The following KAZN variants were observed in gnomAD, a reference collection of about 807,000 sequenced individuals.
KAZN encodes kazrin, periplakin interacting protein.
A neutral mutation model predicts 87.4 loss-of-function variants in KAZN; 40 were observed. That is an observed-to-expected ratio of 0.46 (90% CI 0.36 to 0.60). KAZN has a LOEUF of 0.60. KAZN is among the 20% of genes least tolerant of loss of function. The pLI, the probability that KAZN is intolerant of heterozygous loss-of-function variation, is 0.00. For missense variants in KAZN, 898 were observed against 1,073.9 expected (o/e 0.84, Z 2.29); for synonymous variants, 466 against 458.3 (o/e 1.02, Z -0.22).
chr1:14,504,305 G>A (rs1205631039), intron 2 of KAZN, among the ~76,000 whole-genome samples: 1 of 152,186 alleles, frequency 6.6e-6, no homozygotes, highest in East Asian at 1.9e-4. Context: ...TAAAGCTGGG[G>A]GAGAGAGAAA....
intron 1 of KAZN, among the ~76,000 whole-genome samples, chr1:14,169,465 C>A (rs774683433): frequency 6.6e-6 from 1 of 152,146 alleles, no homozygotes; most frequent in African/African-American, 2.4e-5. Flanking sequence ...AATTTCCTAC[C>A]TCTGGACAGT....
At chr1:14,959,817 G>T (rs964512557) in intron 1 of KAZN, among the ~76,000 whole-genome samples, 2 of 152,150 alleles carry the variant, frequency 1.3e-5, no homozygotes, top group African/African-American at 4.8e-5. Flanking sequence ...CTATCCGCCC[G>T]CAGGACTGAG....
At chr1:14,607,992 G>A (rs969995853) in intron 1 of KAZN, among the ~76,000 whole-genome samples, 25 of 152,288 alleles carry the variant, frequency 1.6e-4, no homozygotes, top group African/African-American at 5.5e-4. Flanking sequence ...CCATTCCACA[G>A]ATGAAGACAT....
At chr1:14,443,028 T>A (rs974361397) in intron 2 of KAZN, among the ~76,000 whole-genome samples, 4 of 152,210 alleles carry the variant, frequency 2.6e-5, no homozygotes, top group Admixed American at 1.3e-4. Context: ...ACTTGGCCAA[T>A]CAGTCAAGTC....
intron 8 of KAZN, among the ~76,000 whole-genome samples, chr1:15,084,921 C>T (rs1326210814): frequency 6.6e-6 from 1 of 152,060 alleles, no homozygotes; most frequent in Non-Finnish European, 1.5e-5. Context: ...ATACAAAATA[C>T]TAAATACTAT....
intron 1 of KAZN, among the ~76,000 whole-genome samples, chr1:14,171,430 C>T (rs556804566): frequency 6.6e-6 from 1 of 152,306 alleles, no homozygotes; most frequent in Non-Finnish European, 1.5e-5. Flanking sequence ...GTTCCCATTT[C>T]TCCACATCCT....
At chr1:14,437,372 G>A (rs1223086120) in intron 2 of KAZN, among the ~76,000 whole-genome samples, 1 of 152,208 alleles carries the variant, frequency 6.6e-6, no homozygotes, top group Non-Finnish European at 1.5e-5. Context: ...GAAGAGCTCA[G>A]CTTCCCTTTC....
intron 1 of KAZN, among the ~76,000 whole-genome samples, chr1:14,921,220 G>A (rs1658488486): frequency 6.6e-6 from 1 of 151,376 alleles, no homozygotes; most frequent in Admixed American, 6.6e-5. Flanking sequence ...ACTGCACTGA[G>A]TAAAAGTTAC....
intron 1 of KAZN, among the ~76,000 whole-genome samples, chr1:14,104,524 T>A (rs1644327863): frequency 6.6e-6 from 1 of 152,156 alleles, no homozygotes; most frequent in South Asian, 2.1e-4. Context: ...AGAGGGAGCA[T>A]CACATCTTCC....
chr1:14,704,414 C>T (rs1642097599), intron 1 of KAZN, among the ~76,000 whole-genome samples: 1 of 152,214 alleles, frequency 6.6e-6, no homozygotes, highest in East Asian at 1.9e-4. Flanking sequence ...CAAAACCCAG[C>T]ATTATCACAG....
At chr1:14,075,302 G>C (rs1399350502) in intron 1 of KAZN, among the ~76,000 whole-genome samples, 1 of 152,152 alleles carries the variant, frequency 6.6e-6, no homozygotes, top group East Asian at 1.9e-4. Flanking sequence ...TAAAGCAACT[G>C]CAGCGGAGGT....
At chr1:14,604,337 C>T (rs886090521) in intron 1 of KAZN, among the ~76,000 whole-genome samples, 14 of 152,160 alleles carry the variant, frequency 9.2e-5, no homozygotes, top group African/African-American at 2.7e-4. Flanking sequence ...TCATACCTGA[C>T]GATTCATAGC....
chr1:14,759,129 C>A (rs143757034), intron 1 of KAZN, among the ~76,000 whole-genome samples: 15 of 152,158 alleles, frequency 9.9e-5, no homozygotes, highest in Admixed American at 9.8e-4. Context: ...TCTTGTTAGA[C>A]TTTAAATAAA....
At chr1:14,924,811 T>A (rs1383054977) in intron 1 of KAZN, among the ~76,000 whole-genome samples, 1 of 152,088 alleles carries the variant, frequency 6.6e-6, no homozygotes, top group Non-Finnish European at 1.5e-5. Context: ...AGGACCGCGC[T>A]TGCCGGAGCC....
At chr1:14,676,424 C>T (rs1470800655) in intron 1 of KAZN, among the ~76,000 whole-genome samples, 2 of 46,006 alleles carry the variant, frequency 4.3e-5, no homozygotes, top group African/African-American at 6.3e-5. Flanking sequence ...GGCCACTTCA[C>T]GTCCCTGAGC....
At chr1:14,801,675 GT>G (rs755981521) in intron 1 of KAZN, among the ~76,000 whole-genome samples, 1 of 146,694 alleles carries the variant, frequency 6.8e-6, no homozygotes, top group East Asian at 2.0e-4. Flanking sequence ...AGTTTTTTTT[GT>G]TTTTTTTGTT....
At position 14,996,187 on chromosome 1, in the gene KAZN, C is replaced by A. The variant is rs955520854; in HGVS notation, c.418+35312C>A. Among the ~76,000 whole-genome samples the A allele has an allele frequency of 1.3e-5, 2 of 152,148 alleles. No individual in the cohort carries two copies. The highest frequency in any genetic ancestry group is 6.5e-5 in the Admixed American group (1 of 15,274). On this transcript the variant is annotated intron_variant, in intron 2 of 14. Coordinates refer to ENST00000376030, the MANE Select transcript of KAZN (RefSeq NM_201628.3). The surrounding 1 kb of genome is among the most constrained non-coding windows in gnomAD (Gnocchi z 5.9). ...CTTCTGGGTCTTGGCTCTTCATGCC[C>A]CGCCCACTCCACCCCCAGTGCCTGG...
intron 2 of KAZN, among the ~76,000 whole-genome samples, chr1:14,440,285 C>T (rs368412994): frequency 7.9e-5 from 12 of 152,294 alleles, no homozygotes; most frequent in South Asian, 2.1e-4. Context: ...AACTCCTCTC[C>T]GTAAATTACC....
chr1:14,924,965 A>T (rs1659012668), intron 1 of KAZN, among the ~76,000 whole-genome samples: 1 of 152,210 alleles, frequency 6.6e-6, no homozygotes, highest in Admixed American at 6.5e-5. Context: ...GCCCCCGCGG[A>T]GTGCCGAGGG....
Sources: gnomAD v4.1 joint callset for allele counts (sites outside exome capture counted in the v4.1 genomes callset) on GRCh38, gnomAD v4.1.1 for gene constraint, Gnocchi (gnomAD v3.1) non-coding constraint, MANE v1.5 for transcripts, NCBI Gene and HGNC (gene_info 2026-07-23, HGNC 2026-07-21) for gene names.